Variants in FRMD4A observed in about 807,000 individuals in gnomAD.
FRMD4A encodes the protein FERM domain containing 4A.
In FRMD4A, 29 loss-of-function variants were observed where a neutral mutation model predicts 129.1. That is an observed-to-expected ratio of 0.22 (90% CI 0.17 to 0.31). FRMD4A has a LOEUF of 0.31. Among genes scored for constraint, FRMD4A ranks in the 10% least tolerant of loss-of-function variants. The pLI, the probability that FRMD4A is intolerant of heterozygous loss-of-function variation, is 1.00. For synonymous variants in FRMD4A, 634 were observed against 571.6 expected, an observed-to-expected ratio of 1.11 and a Z score of -1.56; for missense variants, 1,272 against 1,375.8, an observed-to-expected ratio of 0.92 and a Z score of 1.19.
At chr10:14,109,988 A>C (rs1165001560) in intron 2 of FRMD4A, among the ~76,000 whole-genome samples, 1 of 131,400 alleles carries the variant, frequency 7.6e-6, no homozygotes, top group Non-Finnish European at 1.6e-5. Flanking sequence ...CAAACCCACC[A>C]AAAAAAAAAA....
intron 2 of FRMD4A, among the ~76,000 whole-genome samples, chr10:14,182,081 CTTT>C (rs1260582746): frequency 6.6e-6 from 1 of 152,146 alleles, no homozygotes; most frequent in Non-Finnish European, 1.5e-5. Flanking sequence ...TTATTTGTGG[CTTT>C]TTCTTTATAA....
intron 2 of FRMD4A, among the ~76,000 whole-genome samples, chr10:13,958,319 C>T (rs75293781): frequency 0.014 from 1,872 of 135,606 alleles, 46 homozygotes; most frequent in African/African-American, 0.047. Flanking sequence ...GAGTCTCGCT[C>T]GTCGCCCAGG....
intron 2 of FRMD4A, among the ~76,000 whole-genome samples, chr10:14,207,305 G>A (rs1256220227): frequency 1.3e-5 from 2 of 152,044 alleles, no homozygotes; most frequent in Non-Finnish European, 2.9e-5. Context: ...CACGGATGGG[G>A]GTGGGGTGAT....
intron 2 of FRMD4A, among the ~76,000 whole-genome samples, chr10:13,907,903 C>T (rs979465996): frequency 2.0e-5 from 3 of 149,696 alleles, no homozygotes; most frequent in African/African-American, 7.4e-5. Context: ...CAGTGGCTCA[C>T]ACCTGTAATG....
At chr10:14,204,795 A>C (rs1564385343) in intron 2 of FRMD4A, among the ~76,000 whole-genome samples, 1 of 152,188 alleles carries the variant, frequency 6.6e-6, no homozygotes, top group Non-Finnish European at 1.5e-5. Flanking sequence ...GAGCAGAGAG[A>C]AATCGAGAAG....
Position 13,657,464 on chromosome 10 carries a change from T to C in FRMD4A, c.2125A>G (p.Ser709Gly), listed in dbSNP as rs565654563. 2 of 1,611,230 alleles carry C rather than the reference T, an allele frequency of 1.2e-6. No individual in the cohort carries two copies. The highest frequency in any genetic ancestry group is 2.2e-5 in the South Asian group (2 of 91,004). ...TTGCCCTGGGACTCCAGGCTGGAGC[T>C]CCGGTGCCTAAAGTGCAGTGCGAGG... is the stretch of plus-strand genomic sequence containing the variant. The part of the protein sequence containing the change: ...HSLALHFRHR[S>G]SSLESQGKLL... Residue 709 changes from serine (S) to glycine (G), a missense_variant, in exon 22 of 25, where the codon AGC (serine) becomes GGC (glycine). Coordinates refer to ENST00000357447, the MANE Select transcript of FRMD4A (RefSeq NM_018027.5).
intron 3 of FRMD4A, among the ~76,000 whole-genome samples, chr10:13,837,392 G>A (rs764271047): frequency 3.9e-5 from 6 of 152,144 alleles, no homozygotes; most frequent in Non-Finnish European, 7.3e-5. Context: ...ATTGGGCCTC[G>A]AGTGCTGGCC....
rs143390970 is a variant in FRMD4A at position 14,187,492 on chromosome 10, C to T, written c.45+142566G>A. Among the ~76,000 whole-genome samples, 30 of 152,294 alleles carry T rather than the reference C, an allele frequency of 2.0e-4. No individual in the cohort carries two copies. In the East Asian group the frequency reaches 4.8e-3, roughly 24 times the overall value. On this transcript the variant is annotated intron_variant, in intron 2 of 24. Coordinates refer to ENST00000357447, the MANE Select transcript of FRMD4A (RefSeq NM_018027.5). ...ATCGTGGAATGACTGACTTAGAGAA[C>T]GCTCCATGGACATTTGCTTCGACCT...
chr10:13,649,790 G>GT (rs2081400236), intron 24 of FRMD4A, among the ~76,000 whole-genome samples: 1 of 152,232 alleles, frequency 6.6e-6, no homozygotes, highest in Non-Finnish European at 1.5e-5. Flanking sequence ...GGAATGCCAT[G>GT]TGCTACGAAA....
At chr10:14,230,648 G>A (rs1843607962) in intron 2 of FRMD4A, among the ~76,000 whole-genome samples, 1 of 152,056 alleles carries the variant, frequency 6.6e-6, no homozygotes, top group Admixed American at 6.5e-5. Flanking sequence ...TTTTACTGTA[G>A]GTTCAGGAGA....
intron 3 of FRMD4A, among the ~76,000 whole-genome samples, chr10:13,845,623 C>G (rs923960810): frequency 6.6e-6 from 1 of 152,068 alleles, no homozygotes; most frequent in Admixed American, 6.6e-5. Flanking sequence ...GCAGTCTGGC[C>G]GAGGCCTCTG....
rs2082248294 is a variant in FRMD4A at position 13,657,290 on chromosome 10, T to A, written c.2299A>T (p.Asn767Tyr). Residue 767 changes from asparagine (N) to tyrosine (Y), a missense_variant, in exon 22 of 25, where the codon AAC becomes TAC. By Grantham distance (143) the Asn-to-Tyr change is moderately radical. Around this residue, in one of 2 missense-constraint regions of FRMD4A, gnomAD observed 972 missense variants for 892.3 expected, o/e 1.09. Coordinates refer to ENST00000357447, the MANE Select transcript of FRMD4A (RefSeq NM_018027.5). ...GAGTCCTCGGCCAGCGTGGAGTAGTTGGCGTTCATCTGCGCCGGGTAGTAG... is the reference window on the plus strand; with the variant it reads ...GAGTCCTCGGCCAGCGTGGAGTAGTAGGCGTTCATCTGCGCCGGGTAGTAG... ...EHYYPAQMNA[N>Y]YSTLAEDSPS... 1 of 1,609,070 alleles carries A rather than the reference T, an allele frequency of 6.2e-7. No homozygotes were observed. Among genetic ancestry groups the A allele is most frequent in the East Asian group, 2.2e-5 (1 of 44,758 alleles).
rs2095596864 is a variant in FRMD4A at position 13,989,754 on chromosome 10, G to C, written c.46-130842C>G. ...TGAGAGGAAGACAAGACAGAGGGCA[G>C]AGAGATGGGAGTGGCCCTATAGTTA... On this transcript the variant is annotated intron_variant, in intron 2 of 24. Transcript: ENST00000357447. 2.0e-5 allele frequency among the ~76,000 whole-genome samples: 3 copies of C among 152,262 alleles called. No individual in the cohort carries two copies. The South Asian group carries it at 6.2e-4, about 31-fold the overall frequency.
At chr10:13,903,720 TA>T (rs952753011) in intron 2 of FRMD4A, among the ~76,000 whole-genome samples, 18 of 127,174 alleles carry the variant, frequency 1.4e-4, no homozygotes, top group East Asian at 7.5e-4. Flanking sequence ...AAAATAAAAA[TA>T]AAAAAAAAAT....
chr10:13,650,133 C>T (rs2081432846), intron 24 of FRMD4A, among the ~76,000 whole-genome samples: 1 of 152,234 alleles, frequency 6.6e-6, no homozygotes, highest in Non-Finnish European at 1.5e-5. Context: ...AATTCACCCA[C>T]ATCTCACAGG....
chr10:14,093,596 G>A (rs117379730), intron 2 of FRMD4A, among the ~76,000 whole-genome samples: 18 of 152,258 alleles, frequency 1.2e-4, no homozygotes, highest in Admixed American at 9.8e-4. Flanking sequence ...AGTGGGACCT[G>A]CTTGTATGCA....
Position 13,884,106 on chromosome 10 carries a change from A to ACACACACACACT in FRMD4A, c.46-25195_46-25194insAGTGTGTGTGTG, listed in dbSNP as rs2094577093. On this transcript the variant is annotated intron_variant, in intron 2 of 24. Coordinates refer to ENST00000357447, the MANE Select transcript of FRMD4A (RefSeq NM_018027.5). The stretch of plus-strand genomic sequence containing the variant: ...GTGGTTGATGCAATGGAAAAGAAAC[A>ACACACACACACT]CACACACACACACACTCACACACAC... Among the ~76,000 whole-genome samples the ACACACACACACT allele has an allele frequency of 6.0e-4, 54 of 89,350 alleles. 1 individual carries two copies. The highest frequency in any genetic ancestry group is 1.6e-3 in the African/African-American group (39 of 24,478). 58.6% of individuals were successfully genotyped at this position (89,350 alleles called of 152,430 possible). A position where few individuals can be genotyped will look rare whatever the true frequency, so the allele number is the denominator to read the frequency against.
At chr10:13,660,163 C>T (rs2082525329) in intron 20 of FRMD4A, among the ~76,000 whole-genome samples, 153 bp downstream of exon 20, 1 of 152,228 alleles carries the variant, frequency 6.6e-6, no homozygotes, top group East Asian at 1.9e-4. Flanking sequence ...CAGCAGAGGG[C>T]GCTGTGAGCA....
chr10:13,972,292 C>T, intron 2 of FRMD4A: 8 of 987,884 alleles, frequency 8.1e-6, no homozygotes, highest in Non-Finnish European at 9.6e-6. Context: ...CTTTTCTTAA[C>T]TCTTTACAAC....
Sources: gnomAD v4.1 joint callset for allele counts (sites outside exome capture counted in the v4.1 genomes callset) on GRCh38, gnomAD v4.1.1 for gene constraint, gnomAD v4.1.1 regional missense constraint, MANE v1.5 for transcripts, NCBI Gene and HGNC (gene_info 2026-07-23, HGNC 2026-07-21) for gene names.